Variants in TMIGD3 observed in about 807,000 individuals in gnomAD.
The protein encoded by TMIGD3 is AD026 protein (AD026).
In TMIGD3, 21 loss-of-function variants were observed where a neutral mutation model predicts 28.1. The ratio of observed to expected loss-of-function variants is 0.75; its 90% CI spans 0.53 to 1.08. TMIGD3 has a LOEUF of 1.08. Ranked by LOEUF, TMIGD3 falls within the 50% of genes least tolerant of loss-of-function variation. TMIGD3 has a pLI of 0.00. For synonymous variants in TMIGD3, 151 were observed against 162.1 expected, an observed-to-expected ratio of 0.93 and a Z score of 0.52; for missense variants, 416 against 435.6, an observed-to-expected ratio of 0.96 and a Z score of 0.40.
chr1:111,563,918 T>G (rs1657846107), exon 1 of TMIGD3: 1 of 1,613,838 alleles, frequency 6.2e-7, no homozygotes, highest in African/African-American at 1.3e-5. Context: ...CCTGGCCTCC[T>G]TCTGCTCAAT....
chr1:111,485,786 T>G lies in TMIGD3; in HGVS notation c.927A>C (p.Val309=). 2 of 1,613,318 alleles carry G rather than the reference T, an allele frequency of 1.2e-6. No homozygotes were observed. Among genetic ancestry groups the G allele is most frequent in the Non-Finnish European group, 1.7e-6 (2 of 1,179,674 alleles). ...TCCTCCTTTTGGTCAAATGACTGAT[T>G]ACAGAGATGATTCCCAAACCCGTGA... ...ILITGLGIIS[V]ISHLTKRRRS... Residue 309 remains valine, a synonymous_variant, in exon 5 of 6, where the codon GTA becomes GTC. Coordinates refer to ENST00000369716, the MANE Select transcript of TMIGD3 (RefSeq NM_020683.7).
chr1:111,537,123 A>G (rs1397200022), intron 1 of TMIGD3, among the ~76,000 whole-genome samples: 1 of 152,140 alleles, frequency 6.6e-6, no homozygotes, highest in Non-Finnish European at 1.5e-5. Flanking sequence ...AACTGCACTC[A>G]TCCTTCAAGG....
intron 1 of TMIGD3, among the ~76,000 whole-genome samples, chr1:111,526,739 G>C (rs936429156): frequency 2.0e-5 from 3 of 152,052 alleles, no homozygotes; most frequent in African/African-American, 7.2e-5. Context: ...TCATTCATTG[G>C]GTTTTGACAA....
chr1:111,563,825 A>G, intron 1 of TMIGD3: 1 of 1,601,034 alleles, frequency 6.2e-7, no homozygotes, highest in Non-Finnish European at 8.5e-7. Context: ...CCCAGCAGCT[A>G]TATTTTCTGC....
Position 111,483,350 on chromosome 1 carries a change from C to A in TMIGD3, c.*337G>T. On this transcript the variant is annotated 3_prime_UTR_variant, in exon 6 of 6. Coordinates refer to ENST00000369716, the MANE Select transcript of TMIGD3 (RefSeq NM_020683.7). ...AAGAAGTTACTCATACCTTGGAGTT[C>A]ATTCAACACTGGCTAGGAATTTATT... 2 of 275,982 alleles carry A rather than the reference C, an allele frequency of 7.2e-6. No homozygotes were observed. The highest frequency in any genetic ancestry group is 4.1e-5 in the South Asian group (1 of 24,364). The allele number at this position is 275,982 out of a possible 1,614,324, so 17.1% of individuals were successfully genotyped here. A position where few individuals can be genotyped will look rare whatever the true frequency, so the allele number is the denominator to read the frequency against.
intron 1 of TMIGD3, among the ~76,000 whole-genome samples, chr1:111,529,055 GA>G (rs1456457916): frequency 6.6e-6 from 1 of 151,842 alleles, no homozygotes; most frequent in African/African-American, 2.4e-5. Flanking sequence ...AAACAGTGGT[GA>G]TAGGAGACAT....
Position 111,535,952 on chromosome 1 carries a change from T to G in TMIGD3, c.107+27894A>C, listed in dbSNP as rs114804692. On this transcript the variant is annotated intron_variant, in intron 1 of 5. Transcript: ENST00000369717. Reference sequence around the variant, plus strand: ...AGCATATTTGAACTTGGACCTTCAGTGCACAGACCAGCAGCCAGCTTCCAG... The same window carrying G: ...AGCATATTTGAACTTGGACCTTCAGGGCACAGACCAGCAGCCAGCTTCCAG... Among the ~76,000 whole-genome samples the G allele has an allele frequency of 6.0e-3, 920 of 152,338 alleles. 8 individuals are homozygous for G. The highest frequency in any genetic ancestry group is 0.018 in the African/African-American group (745 of 41,578).
intron 1 of TMIGD3, among the ~76,000 whole-genome samples, chr1:111,539,543 G>A (rs995558097): frequency 4.6e-5 from 7 of 152,176 alleles, no homozygotes; most frequent in African/African-American, 1.4e-4. Context: ...TAATCCGCCC[G>A]CCTCGGCCTC....
At chr1:111,509,339 C>T (rs1379132927) in intron 1 of TMIGD3, among the ~76,000 whole-genome samples, 4 of 152,214 alleles carry the variant, frequency 2.6e-5, no homozygotes, top group Admixed American at 6.5e-5. Flanking sequence ...TCCAAGATTT[C>T]TCCAAATGCC....
chr1:111,516,806 A>C (rs1199984280), intron 1 of TMIGD3, among the ~76,000 whole-genome samples: 1 of 152,210 alleles, frequency 6.6e-6, no homozygotes, highest in Non-Finnish European at 1.5e-5. Context: ...GCCCTCAGGA[A>C]AGCCAGAAAT....
At chr1:111,512,123 C>T (rs1336732064) in intron 1 of TMIGD3, among the ~76,000 whole-genome samples, 1 of 152,260 alleles carries the variant, frequency 6.6e-6, no homozygotes, top group East Asian at 1.9e-4. Flanking sequence ...CAATCAAGCA[C>T]ACAGCTGACC....
At chr1:111,500,449 A>C (rs1231057753) in intron 1 of TMIGD3, 1 of 1,614,236 alleles carries the variant, frequency 6.2e-7, no homozygotes, top group Admixed American at 1.7e-5. Flanking sequence ...CTCTGAGGTC[A>C]GTTTCATGTT....
chr1:111,503,006 T>G lies in TMIGD3; in HGVS notation c.349A>C (p.Arg117=). The change falls in exon 1 of 6, where the codon AGA becomes CGA. Residue 117 remains arginine, a splice_region_variant and synonymous_variant. Coordinates refer to ENST00000369716, the MANE Select transcript of TMIGD3 (RefSeq NM_020683.7). ...DRYLRVKLTV[R]FRIPGLPGCI... is the part of the protein sequence containing the mutation. ...TGCCCACCCCACGCCGCAGGCTACC[T>G]GACGGTAAGCTTGACCCGCAAGTAT... is the stretch of plus-strand genomic sequence containing the variant. The G allele has an allele frequency of 1.2e-6, 2 of 1,613,242 alleles. No individual in the cohort carries two copies. Among genetic ancestry groups the G allele is most frequent in the South Asian group, 2.2e-5 (2 of 91,070 alleles).
At chr1:111,497,397 A>G (rs1654941274) in intron 1 of TMIGD3, among the ~76,000 whole-genome samples, 1 of 152,210 alleles carries the variant, frequency 6.6e-6, no homozygotes, top group South Asian at 2.1e-4. Context: ...GGCATGAGCC[A>G]CTGCACCCGG....
intron 1 of TMIGD3, among the ~76,000 whole-genome samples, chr1:111,551,572 A>C (rs750525697): frequency 2.6e-5 from 4 of 152,096 alleles, no homozygotes; most frequent in African/African-American, 4.8e-5. Context: ...TTCTTAATAC[A>C]TTGTTTTTCC....
chr1:111,485,636 G>C (rs1654327236), intron 5 of TMIGD3, 104 bp downstream of exon 5: 1 of 889,478 alleles, frequency 1.1e-6, no homozygotes. Flanking sequence ...CAGGTGACCA[G>C]GCAATATGAA....
chr1:111,514,019 C>T (rs1655778476), intron 1 of TMIGD3, among the ~76,000 whole-genome samples: 1 of 152,198 alleles, frequency 6.6e-6, no homozygotes, highest in African/African-American at 2.4e-5. Flanking sequence ...CAGAAAACTG[C>T]ACATAGGCAC....
At chr1:111,492,104 A>C (rs1031182440) in intron 1 of TMIGD3, among the ~76,000 whole-genome samples, 2 of 152,212 alleles carry the variant, frequency 1.3e-5, no homozygotes, top group African/African-American at 2.4e-5. Flanking sequence ...TGAGTAGGCT[A>C]CAGAGGGGCC....
At chr1:111,545,893 A>G (rs1338731483) in intron 1 of TMIGD3, among the ~76,000 whole-genome samples, 1 of 152,118 alleles carries the variant, frequency 6.6e-6, no homozygotes, top group Non-Finnish European at 1.5e-5. Flanking sequence ...TTCTCCCCGG[A>G]ACAGTCTTGG....
Sources: allele counts gnomAD v4.1 joint callset (sites outside exome capture counted in the v4.1 genomes callset), GRCh38; gene constraint gnomAD v4.1.1; transcripts MANE v1.5; gene names NCBI Gene and HGNC (gene_info 2026-07-23, HGNC 2026-07-21).